RBKS: variants seen among roughly 807,000 people sequenced by gnomAD.
RBKS encodes the protein ribokinase.
In RBKS, 33 loss-of-function variants were observed where a neutral mutation model predicts 33.9. The ratio of observed to expected loss-of-function variants is 0.97; its 90% confidence interval spans 0.74 to 1.30. The LOEUF is 1.30. Ranked by LOEUF, RBKS falls within the 50% of genes most tolerant of loss-of-function variation. The pLI, the probability that RBKS is intolerant of heterozygous loss-of-function variation, is 0.00. For synonymous variants in RBKS, 125 were observed against 143.0 expected (o/e 0.87, Z 0.90); for missense variants, 361 against 392.6 (o/e 0.92, Z 0.68).
At chr2:27,841,103 C>T (rs962141280) in intron 5 of RBKS, among the ~76,000 whole-genome samples, 1 of 152,086 alleles carries the variant, frequency 6.6e-6, no homozygotes, top group Admixed American at 6.6e-5. Flanking sequence ...CTGGGTCCTC[C>T]AGCTCCCAAC....
Position 27,802,367 on chromosome 2 carries a change from A to G in RBKS, c.796-20579T>C, listed in dbSNP as rs541823868. Among the ~76,000 whole-genome samples the G allele has an allele frequency of 2.8e-4, 42 of 151,820 alleles. No homozygotes were observed. In the South Asian group the frequency reaches 8.5e-3, roughly 31 times the overall value. ...GTATTAAATGCATTTTCTATTAATT[A>G]TATTTTCAGTTTACGGTTGGTTTAT... On this transcript the variant is annotated intron_variant, in intron 7 of 7. Coordinates refer to ENST00000302188, the MANE Select transcript of RBKS (RefSeq NM_022128.3).
At chr2:27,786,662 A>G (rs966418202) in intron 7 of RBKS, among the ~76,000 whole-genome samples, 1 of 152,012 alleles carries the variant, frequency 6.6e-6, no homozygotes, top group African/African-American at 2.4e-5. Context: ...GGTGCCTGTA[A>G]TCCCAGCTAC....
At chr2:27,805,040 G>C (rs1677870091) in intron 7 of RBKS, among the ~76,000 whole-genome samples, 1 of 151,752 alleles carries the variant, frequency 6.6e-6, no homozygotes, top group African/African-American at 2.4e-5. Context: ...CTATGATGTT[G>C]TTTGTAAAGG....
intron 6 of RBKS, 87 bp from the exon 7 acceptor site, chr2:27,827,842 C>A (rs1008545835): frequency 8.3e-7 from 1 of 1,204,268 alleles, no homozygotes; most frequent in Non-Finnish European, 1.1e-6. Context: ...AAAATGTCTC[C>A]CTTCTTTTTT....
intron 1 of RBKS, among the ~76,000 whole-genome samples, chr2:27,878,042 T>C (rs995682317): frequency 6.6e-6 from 1 of 152,060 alleles, no homozygotes; most frequent in African/African-American, 2.4e-5. Flanking sequence ...TTTTTAATTA[T>C]TATTATACTT....
intron 6 of RBKS, among the ~76,000 whole-genome samples, chr2:27,829,860 G>A (rs1257804794): frequency 6.6e-6 from 1 of 152,164 alleles, no homozygotes; most frequent in East Asian, 1.9e-4. Flanking sequence ...CCTCAGTTTG[G>A]GGGCCTTAAA....
chr2:27,841,468 T>C (rs1663506552), intron 5 of RBKS, among the ~76,000 whole-genome samples: 2 of 152,188 alleles, frequency 1.3e-5, no homozygotes, highest in Admixed American at 6.5e-5. Context: ...TGCGTAACCA[T>C]AAGCATTAGA....
chr2:27,790,959 G>T (rs1677510340), intron 7 of RBKS, among the ~76,000 whole-genome samples: 2 of 152,164 alleles, frequency 1.3e-5, no homozygotes, highest in South Asian at 4.1e-4. Flanking sequence ...TCCACATAAA[G>T]ACCTACATGT....
intron 1 of RBKS, among the ~76,000 whole-genome samples, chr2:27,861,898 G>C (rs376922343): frequency 4.0e-5 from 6 of 150,764 alleles, no homozygotes; most frequent in African/African-American, 1.5e-4. Context: ...CCCTGCTTCA[G>C]CCTCCCAAAG....
At chr2:27,827,177 C>T (rs1298955189) in intron 7 of RBKS, among the ~76,000 whole-genome samples, 1 of 152,134 alleles carries the variant, frequency 6.6e-6, no homozygotes, top group African/African-American at 2.4e-5. Flanking sequence ...AATCTAAGCC[C>T]GACAAGGGCA....
rs761807527 is a variant in RBKS, at chr2:27,890,356, T to C, written c.-11A>G. 2 of 1,612,170 alleles carry C rather than the reference T, an allele frequency of 1.2e-6. No individual in the cohort carries two copies. Among genetic ancestry groups the C allele is most frequent in the Non-Finnish European group, 1.7e-6 (2 of 1,179,652 alleles). ...CCCAGACGCCGCCATCGCTCAAAGG[T>C]GCTGCTGTCCAACCTGGACGGTGAC... is the stretch of plus-strand genomic sequence containing the variant. On this transcript the variant is annotated 5_prime_UTR_variant, in exon 1 of 8. Coordinates refer to ENST00000302188, the MANE Select transcript of RBKS (RefSeq NM_022128.3). The surrounding 1 kb of genome is among the most constrained non-coding windows in gnomAD (Gnocchi z 4.8).
At chr2:27,830,208 T>A (rs1360918574) in intron 6 of RBKS, among the ~76,000 whole-genome samples, 4 of 152,178 alleles carry the variant, frequency 2.6e-5, no homozygotes, top group Non-Finnish European at 5.9e-5. Context: ...GCAGAGTGAG[T>A]ATCATAAGCA....
intron 1 of RBKS, chr2:27,861,395 A>G (rs564128659): frequency 2.3e-6 from 1 of 442,436 alleles, no homozygotes; most frequent in East Asian, 7.1e-5. Context: ...GTCCGACAAT[A>G]ACAACTCCAT....
intron 7 of RBKS, among the ~76,000 whole-genome samples, chr2:27,782,168 C>CT (rs1296780820): frequency 6.8e-6 from 1 of 146,180 alleles, no homozygotes; most frequent in Non-Finnish European, 1.5e-5. Context: ...TTTTTTTTTT[C>CT]TTTTTTTTAA....
chr2:27,828,874 A>G (rs1678369206), intron 6 of RBKS, among the ~76,000 whole-genome samples: 1 of 152,136 alleles, frequency 6.6e-6, no homozygotes, highest in African/African-American at 2.4e-5. Flanking sequence ...TCTTAATTAT[A>G]CTATTTAAAG....
intron 1 of RBKS, among the ~76,000 whole-genome samples, chr2:27,866,809 A>T (rs1280424062): frequency 6.6e-6 from 1 of 152,094 alleles, no homozygotes; most frequent in Non-Finnish European, 1.5e-5. Flanking sequence ...CAGGTCTTTT[A>T]AAATCCCTTT....
intron 7 of RBKS, among the ~76,000 whole-genome samples, chr2:27,794,284 C>T (rs966430600): frequency 1.4e-5 from 2 of 145,592 alleles, no homozygotes; most frequent in Admixed American, 7.0e-5. Context: ...GCAACAAGAG[C>T]GAAACTCCAT....
At chr2:27,871,752 G>A (rs1280642931) in intron 1 of RBKS, among the ~76,000 whole-genome samples, 1 of 152,160 alleles carries the variant, frequency 6.6e-6, no homozygotes, top group African/African-American at 2.4e-5. Context: ...ATAAAGTTAA[G>A]CCTGCCACCA....
intron 2 of RBKS, among the ~76,000 whole-genome samples, chr2:27,857,881 A>G (rs538328430): frequency 6.6e-6 from 1 of 152,352 alleles, no homozygotes; most frequent in South Asian, 2.1e-4. Flanking sequence ...AAGAATTGAA[A>G]GCAGGTACTC....
Sources: allele counts gnomAD v4.1 joint callset (sites outside exome capture counted in the v4.1 genomes callset), GRCh38; gene constraint gnomAD v4.1.1; non-coding constraint Gnocchi (gnomAD v3.1); transcripts MANE v1.5; gene names NCBI Gene and HGNC (gene_info 2026-07-23, HGNC 2026-07-21).